TAOK3: variants seen among roughly 807,000 people sequenced by gnomAD.
The protein encoded by TAOK3 is TAO kinase 3, also known as serine/threonine-protein kinase TAO3.
TAOK3 carries 40 observed loss-of-function variants against 120.4 expected under a neutral mutation model. That is an observed-to-expected ratio of 0.33 (90% CI 0.26 to 0.43). The LOEUF (loss-of-function observed/expected upper bound fraction) is 0.43, where lower values mean the gene tolerates loss of function less well. Among genes scored for constraint, TAOK3 ranks in the 20% least tolerant of loss-of-function variants. The pLI, the probability that TAOK3 is intolerant of heterozygous loss-of-function variation, is 1.00. For synonymous variants in TAOK3, 355 were observed against 387.5 expected (o/e 0.92, Z 0.99); for missense variants, 821 against 1,112.1 (o/e 0.74, Z 3.72).
chr12:118,344,404 T>C (rs1294137339), intron 1 of TAOK3, among the ~76,000 whole-genome samples: 1 of 152,006 alleles, frequency 6.6e-6, no homozygotes, highest in Non-Finnish European at 1.5e-5. Context: ...GATGACCACA[T>C]TGTAACACAT....
chr12:118,321,126 G>A (rs547490325), intron 1 of TAOK3, among the ~76,000 whole-genome samples: 40 of 152,170 alleles, frequency 2.6e-4, no homozygotes, highest in African/African-American at 8.9e-4. Flanking sequence ...TATATGTTAG[G>A]GAAAAGGTTG....
intron 9 of TAOK3, among the ~76,000 whole-genome samples, chr12:118,225,557 A>G (rs1449944952): frequency 6.6e-6 from 1 of 152,168 alleles, no homozygotes; most frequent in African/African-American, 2.4e-5. Flanking sequence ...GTTCTTGGTA[A>G]TAATTTTATT....
At chr12:118,209,438 T>C (rs1192089178) in intron 11 of TAOK3, among the ~76,000 whole-genome samples, 3 of 152,224 alleles carry the variant, frequency 2.0e-5, no homozygotes, top group African/African-American at 7.2e-5. Context: ...AGAGTCTTGC[T>C]GTTGCCCAGG....
At chr12:118,230,745 A>G (rs1300861034) in intron 9 of TAOK3, among the ~76,000 whole-genome samples, 1 of 152,134 alleles carries the variant, frequency 6.6e-6, no homozygotes, top group African/African-American at 2.4e-5. Context: ...CCGAGATTAT[A>G]GGCGTGAGCC....
At chr12:118,347,002 C>A (rs1463351894) in intron 1 of TAOK3, among the ~76,000 whole-genome samples, 1 of 152,094 alleles carries the variant, frequency 6.6e-6, no homozygotes, top group South Asian at 2.1e-4. Context: ...CAACAATAGG[C>A]CTTTTTTCTT....
chr12:118,217,862 CACT>C (rs1475089293), intron 9 of TAOK3, among the ~76,000 whole-genome samples: 4 of 29,976 alleles, frequency 1.3e-4, no homozygotes, highest in Non-Finnish European at 1.9e-4. Context: ...TATATATATA[CACT>C]TTTTTTTTTT....
chr12:118,154,924 T>TC (rs1566222976), intron 19 of TAOK3, among the ~76,000 whole-genome samples: 1 of 151,610 alleles, frequency 6.6e-6, no homozygotes, highest in African/African-American at 2.4e-5. Flanking sequence ...TTCCCCCTTA[T>TC]CCCCCCAAGC....
At chr12:118,337,308 C>T (rs1347019088) in intron 1 of TAOK3, among the ~76,000 whole-genome samples, 1 of 152,186 alleles carries the variant, frequency 6.6e-6, no homozygotes, top group African/African-American at 2.4e-5. Flanking sequence ...TGCCCAACTA[C>T]TCTCTTACAT....
intron 1 of TAOK3, among the ~76,000 whole-genome samples, chr12:118,273,970 G>A (rs548077422): frequency 4.1e-4 from 63 of 152,106 alleles, no homozygotes; most frequent in Non-Finnish European, 6.3e-4. Context: ...ACTGAGGCAG[G>A]TAAAATCTTA....
chr12:118,299,066 C>T (rs1028364082), intron 1 of TAOK3, among the ~76,000 whole-genome samples: 1 of 152,164 alleles, frequency 6.6e-6, no homozygotes, highest in Non-Finnish European at 1.5e-5. Context: ...CTGTGTTCCT[C>T]TTGTACTTGC....
At chr12:118,240,028 C>T (rs2139943003) in intron 5 of TAOK3, among the ~76,000 whole-genome samples, 1 of 152,160 alleles carries the variant, frequency 6.6e-6, no homozygotes, top group South Asian at 2.1e-4. Flanking sequence ...ATTAGCTTGG[C>T]ATGGTGGCTT....
chr12:118,214,579 T>C (rs1338134903), intron 9 of TAOK3, among the ~76,000 whole-genome samples: 1 of 135,340 alleles, frequency 7.4e-6, no homozygotes, highest in Non-Finnish European at 1.6e-5. Context: ...AAAATGCAAC[T>C]TTTTTTTTTT....
chr12:118,190,953 G>A (rs184308733), intron 13 of TAOK3, among the ~76,000 whole-genome samples: 96 of 152,236 alleles, frequency 6.3e-4, no homozygotes, highest in African/African-American at 2.3e-3. Context: ...TACAACCATG[G>A]GGGATTTTAA....
chr12:118,297,991 G>A (rs1378949676), intron 1 of TAOK3, among the ~76,000 whole-genome samples: 1 of 152,112 alleles, frequency 6.6e-6, no homozygotes, highest in Non-Finnish European at 1.5e-5. Context: ...TGTTGCCCAG[G>A]CTGGTCTCAA....
intron 1 of TAOK3, among the ~76,000 whole-genome samples, chr12:118,272,336 T>TG (rs1268465286): frequency 6.7e-6 from 1 of 150,336 alleles, no homozygotes; most frequent in Non-Finnish European, 1.5e-5. Context: ...AAAGAACACT[T>TG]GATAGAGAGT....
chr12:118,192,291 T>C, intron 13 of TAOK3, among the ~76,000 whole-genome samples: 1 of 152,342 alleles, frequency 6.6e-6, no homozygotes, highest in East Asian at 1.9e-4. Flanking sequence ...AACTCAAGTA[T>C]ATTTTTAAAA....
intron 17 of TAOK3, among the ~76,000 whole-genome samples, chr12:118,166,235 T>C (rs1381475200): frequency 6.6e-6 from 1 of 152,144 alleles, no homozygotes; most frequent in Non-Finnish European, 1.5e-5. Flanking sequence ...GCATTTTCCA[T>C]TAGAAATGTT....
intron 1 of TAOK3, among the ~76,000 whole-genome samples, chr12:118,300,490 C>G (rs1486910075): frequency 6.6e-6 from 1 of 152,100 alleles, no homozygotes; most frequent in Non-Finnish European, 1.5e-5. Flanking sequence ...TTAGCATAGT[C>G]AAGAAAGCTC....
At chr12:118,342,917 G>C (rs2044678266) in intron 1 of TAOK3, among the ~76,000 whole-genome samples, 1 of 125,328 alleles carries the variant, frequency 8.0e-6, no homozygotes, top group African/African-American at 3.0e-5. Flanking sequence ...CTGGGCCACA[G>C]AGTAAGCCTC....
Sources: gnomAD v4.1 joint callset for allele counts (sites outside exome capture counted in the v4.1 genomes callset) on GRCh38, gnomAD v4.1.1 for gene constraint, MANE v1.5 for transcripts, NCBI Gene and HGNC (gene_info 2026-07-23, HGNC 2026-07-21) for gene names.